The following MYO9A variants were observed in gnomAD, a reference collection of about 807,000 sequenced individuals.
MYO9A encodes unconventional myosin-IXa.
A neutral mutation model predicts 293.3 loss-of-function variants in MYO9A; 103 were observed. The observed-to-expected ratio is 0.35, with a 90% CI of 0.30 to 0.41. The LOEUF (loss-of-function observed/expected upper bound fraction) is 0.41. Ranked by LOEUF, MYO9A falls within the 10% of genes least tolerant of loss-of-function variation. The pLI is 1.00. For missense variants in MYO9A, 2,685 were observed against 3,033.0 expected, an observed-to-expected ratio of 0.89 and a Z score of 2.69; for synonymous variants, 1,001 against 1,035.7, an observed-to-expected ratio of 0.97 and a Z score of 0.64.
At chr15:72,091,928 C>T (rs1046873387) in intron 1 of MYO9A, among the ~76,000 whole-genome samples, 3 of 151,966 alleles carry the variant, frequency 2.0e-5, no homozygotes, top group Admixed American at 6.6e-5. Flanking sequence ...GTGTTAGCCA[C>T]GATGATCTCG....
At chr15:72,077,743 AAAAAAAAAAAT>A (rs1320976784) in intron 1 of MYO9A, among the ~76,000 whole-genome samples, 9 of 38,492 alleles carry the variant, frequency 2.3e-4, no homozygotes, top group African/African-American at 6.0e-4. Context: ...GAAAAAAAAA[AAAAAAAAAAAT>A]ATATATATAT....
intron 15 of MYO9A, chr15:71,950,335 C>T (rs898957194): frequency 3.3e-5 from 5 of 152,144 alleles, no homozygotes; most frequent in Non-Finnish European, 7.3e-5. Context: ...GAAACTGGTG[C>T]CCTCCTATTC....
chr15:71,938,918 C>T lies in MYO9A; in HGVS notation c.2312G>A (p.Arg771Gln), dbSNP rs770800325. Residue 771 changes from arginine (R) to glutamine (Q), a missense_variant, in exon 16 of 42, where the codon CGG becomes CAG. Physicochemically the swap from Arg to Gln is conservative, Grantham distance 43. Around this residue, in one of 10 missense-constraint regions of MYO9A, gnomAD observed 1,434 missense variants for 1,497.7 expected, o/e 0.96. Transcript: ENST00000356056. Reference sequence around the variant, plus strand: ...AGAAAGAGGTGTTCTGGGATTTTTCCGGGTTATACCTAGCAAAATTTAAAA... The same window carrying T: ...AGAAAGAGGTGTTCTGGGATTTTTCTGGGTTATACCTAGCAAAATTTAAAA... ...RCKEEKYSIT[R>Q]KNPRTPLSDL... 3.3e-5 allele frequency: 53 copies of T among 1,606,488 alleles called. No homozygotes were observed. The Admixed American group carries it at 5.8e-4, about 18-fold the overall frequency.
chr15:72,066,736 T>A (rs1399745041), intron 1 of MYO9A, among the ~76,000 whole-genome samples: 1 of 151,958 alleles, frequency 6.6e-6, no homozygotes, highest in East Asian at 1.9e-4. Context: ...AAGAAATTTT[T>A]AACTGTAAAT....
chr15:72,086,767 G>GTTT (rs747511993), intron 1 of MYO9A, among the ~76,000 whole-genome samples: 6,692 of 148,878 alleles, frequency 0.045, 263 homozygotes, highest in East Asian at 0.18. Context: ...TGTTGTTTTT[G>GTTT]TTGTTGTTGT....
At chr15:72,038,733 G>A (rs568110473) in intron 2 of MYO9A, among the ~76,000 whole-genome samples, 8 of 152,290 alleles carry the variant, frequency 5.3e-5, no homozygotes, top group African/African-American at 1.9e-4. Context: ...GCCCATCACT[G>A]TACAATCAAC....
Position 71,852,229 on chromosome 15 carries a change from G to C in MYO9A, c.6378C>G (p.Asn2126Lys), listed in dbSNP as rs1349063463. Residue 2126 changes from asparagine to lysine, a missense_variant, in exon 36 of 42, where the codon AAC (asparagine) becomes AAG (lysine). Physicochemically the swap from Asn to Lys is moderately conservative, Grantham distance 94. Coordinates refer to ENST00000356056, the MANE Select transcript of MYO9A (RefSeq NM_006901.4). ...DAESVNLDDY[N>K]IHVIASVFKQ... ...TGAATACACTTGCAATGACGTGTATGTTATAGTCATCTAGATTTACACTCT... is the reference window on the plus strand; with the variant it reads ...TGAATACACTTGCAATGACGTGTATCTTATAGTCATCTAGATTTACACTCT... 9 of 1,612,314 alleles carry C rather than the reference G, an allele frequency of 5.6e-6. No individual in the cohort carries two copies. Among genetic ancestry groups the C allele is most frequent in the African/African-American group, 1.3e-5 (1 of 74,860 alleles).
At position 71,978,174 on chromosome 15, in the gene MYO9A, C is replaced by T. The variant is rs768435485; in HGVS notation, c.1841G>A (p.Ser614Asn). The change falls in exon 12 of 42, where the codon AGC becomes AAC. Residue 614 changes from serine to asparagine, a missense_variant. Physicochemically the swap from Ser to Asn is conservative, Grantham distance 46. Around this residue, in one of 10 missense-constraint regions of MYO9A, gnomAD observed 201 missense variants for 245.2 expected, o/e 0.82. Transcript: ENST00000356056. ...TGLLHLLDEE[S>N]NFPQATNQTL... is the part of the protein sequence containing the mutation. ...AATTGAAAAGAATCACACTCACTTG[C>T]TTTCTTCATCCAAAAGATGAAGCAG... 1 of 1,611,694 alleles carries T rather than the reference C, an allele frequency of 6.2e-7. No individual in the cohort carries two copies. Among genetic ancestry groups the T allele is most frequent in the South Asian group, 1.1e-5 (1 of 90,150 alleles).
intron 12 of MYO9A, among the ~76,000 whole-genome samples, chr15:71,977,479 C>T (rs1280298586): frequency 1.3e-5 from 2 of 152,288 alleles, no homozygotes; most frequent in East Asian, 3.9e-4. Flanking sequence ...TCAAGTGCTC[C>T]TCCCGCCTTG....
intron 1 of MYO9A, among the ~76,000 whole-genome samples, chr15:72,077,747 AAAAAAATATATATATAT>A (rs1189198348): frequency 1.1e-4 from 5 of 45,786 alleles, no homozygotes; most frequent in South Asian, 7.4e-4. Flanking sequence ...AAAAAAAAAA[AAAAAAATATATATATAT>A]ATATATATAT....
chr15:72,020,931 T>C lies in MYO9A; in HGVS notation c.1085A>G (p.His362Arg). ...AFHLKQPEEY[H>R]YLNQITKKPL... Reference sequence around the variant, plus strand: ...ATGAACTCTCACCTGATTGAGATAATGATATTCCTCTGGTTGCTTAAGATG... The same window carrying C: ...ATGAACTCTCACCTGATTGAGATAACGATATTCCTCTGGTTGCTTAAGATG... Residue 362 changes from histidine to arginine, a missense_variant, in exon 5 of 42, where the codon CAT becomes CGT. His to Arg is a conservative substitution (Grantham distance 29). This residue lies in a region of MYO9A where 289 missense variants were observed against 456.8 expected (regional missense o/e 0.63). Transcript: ENST00000356056. The C allele has an allele frequency of 6.5e-7, 1 of 1,533,042 alleles. No individual in the cohort carries two copies. Among genetic ancestry groups the C allele is most frequent in the South Asian group, 1.3e-5 (1 of 75,710 alleles). The allele number at this position is 1,533,042 out of a possible 1,614,324, so 95.0% of individuals were successfully genotyped here.
At chr15:71,918,175 A>C (rs760697319) in intron 18 of MYO9A, among the ~76,000 whole-genome samples, 2 of 152,084 alleles carry the variant, frequency 1.3e-5, no homozygotes, top group Non-Finnish European at 2.9e-5. Context: ...TACAATAAAG[A>C]CTGACAAGAG....
chr15:71,975,612 T>C (rs1330168370), intron 12 of MYO9A, among the ~76,000 whole-genome samples: 1 of 152,142 alleles, frequency 6.6e-6, no homozygotes, highest in Non-Finnish European at 1.5e-5. Context: ...GTCTTCCTTT[T>C]ACCTGCCCAA....
chr15:72,002,583 T>C (rs1372667731), intron 8 of MYO9A, among the ~76,000 whole-genome samples: 2 of 152,108 alleles, frequency 1.3e-5, no homozygotes, highest in African/African-American at 4.8e-5. Flanking sequence ...CTCAAAAACA[T>C]ACTATGGAAT....
chr15:71,869,304 C>A (rs1040343930), intron 32 of MYO9A, among the ~76,000 whole-genome samples: 1 of 152,076 alleles, frequency 6.6e-6, no homozygotes, highest in Admixed American at 6.6e-5. Context: ...TCTCCTGATA[C>A]CACACAATGA....
intron 18 of MYO9A, among the ~76,000 whole-genome samples, chr15:71,925,382 CGT>C (rs1286378249): frequency 3.3e-5 from 5 of 149,986 alleles, no homozygotes; most frequent in Admixed American, 2.0e-4. Flanking sequence ...TACGTATATA[CGT>C]GTATATGGAT....
At chr15:71,984,954 C>T (rs993599016) in intron 11 of MYO9A, among the ~76,000 whole-genome samples, 27 of 152,314 alleles carry the variant, frequency 1.8e-4, no homozygotes, top group African/African-American at 6.3e-4. Context: ...CAATCTCACT[C>T]TGTCACTCAG....
chr15:71,951,443 T>G (rs529973359), intron 15 of MYO9A, among the ~76,000 whole-genome samples: 59 of 151,792 alleles, frequency 3.9e-4, no homozygotes, highest in African/African-American at 1.3e-3. Flanking sequence ...TTTTGTTGTT[T>G]TTTTTTTTAT....
At chr15:71,854,343 G>C (rs777690323) in intron 35 of MYO9A, 34 bp downstream of exon 35, 2 of 1,344,984 alleles carry the variant, frequency 1.5e-6, no homozygotes, top group East Asian at 5.3e-5. Context: ...TTAAATAAAA[G>C]TATTTCATTA....
Sources: allele counts gnomAD v4.1 joint callset (sites outside exome capture counted in the v4.1 genomes callset), GRCh38; gene constraint gnomAD v4.1.1; regional missense constraint gnomAD v4.1.1; transcripts MANE v1.5; gene names NCBI Gene and HGNC (gene_info 2026-07-23, HGNC 2026-07-21).